ENAM: variants seen among roughly 807,000 people sequenced by gnomAD.
ENAM encodes amelogenesis imperfecta 2, hypocalcification (autosomal dominant).
Under a neutral mutation model 33.6 loss-of-function variants are expected in ENAM, and 21 were observed. The observed-to-expected ratio is 0.63, with a 90% CI of 0.44 to 0.90. The LOEUF (loss-of-function observed/expected upper bound fraction) is 0.90, where lower values mean the gene tolerates loss of function less well. ENAM is among the 40% of genes least tolerant of loss of function. The pLI, the probability that ENAM is intolerant of heterozygous loss-of-function variation, is 0.00. For missense variants in ENAM, 1,388 were observed against 1,366.9 expected (o/e 1.02, Z -0.24); for synonymous variants, 473 against 468.4 (o/e 1.01, Z -0.13).
chr4:70,639,743 G>A (rs1019878106), intron 8 of ENAM, among the ~76,000 whole-genome samples: 4 of 152,086 alleles, frequency 2.6e-5, no homozygotes, highest in African/African-American at 9.7e-5. Flanking sequence ...ATAAATGTTA[G>A]GTGAACGTGG....
At position 70,645,373 on chromosome 4, in the gene ENAM, A is replaced by G. The variant is rs1025272194; in HGVS notation, c.*518A>G. The G allele has an allele frequency of 1.1e-4, 18 of 158,612 alleles. No homozygotes were observed. The highest frequency in any genetic ancestry group is 2.2e-4 in the Non-Finnish European group (16 of 72,768). The allele number at this position is 158,612 out of a possible 1,614,324, so 9.8% of individuals were successfully genotyped here. ...CACTGCCACTCTCTTTACCTTTATC[A>G]TTTCTTTTTCTTAGCTTTCTTCCTT... On this transcript the variant is annotated 3_prime_UTR_variant, in exon 9 of 9. Coordinates refer to ENST00000396073, the MANE Select transcript of ENAM (RefSeq NM_031889.3).
rs1202167113 is a variant in ENAM at position 70,645,569 on chromosome 4, C to T, written c.*714C>T. On this transcript the variant is annotated 3_prime_UTR_variant, in exon 9 of 9. Transcript: ENST00000396073. ...CTCTTCCAACCTATCTGTTCTGTCT[C>T]CCAATGTACCACTTATCAACTAATC... 2.0e-5 allele frequency: 3 copies of T among 152,182 alleles called. No individual in the cohort carries two copies. Among genetic ancestry groups the T allele is most frequent in the African/African-American group, 7.2e-5 (3 of 41,426 alleles). 9.4% of individuals were successfully genotyped at this position (152,182 alleles called of 1,614,324 possible). A position where few individuals can be genotyped will look rare whatever the true frequency, so the allele number is the denominator to read the frequency against.
rs1353894301 is a variant in ENAM at position 70,643,802 on chromosome 4, T to G, written c.2376T>G (p.His792Gln). ...GAAATATCTGGGATCAGGCAACACA[T>G]TTACAAAAAGCCCCAGCTAGGCCAC... ...FNRNIWDQAT[H>Q]LQKAPARPPD... Residue 792 changes from histidine (H) to glutamine (Q), a missense_variant, in exon 9 of 9, where the codon CAT (histidine) becomes CAG (glutamine). Physicochemically the swap from His to Gln is conservative, Grantham distance 24. Coordinates refer to ENST00000396073, the MANE Select transcript of ENAM (RefSeq NM_031889.3). 6.2e-7 allele frequency: 1 copy of G among 1,613,908 alleles called. No individual in the cohort carries two copies. The highest frequency in any genetic ancestry group is 1.3e-5 in the African/African-American group (1 of 74,854).
chr4:70,639,750 G>A (rs998563034), intron 8 of ENAM, among the ~76,000 whole-genome samples: 3 of 152,084 alleles, frequency 2.0e-5, no homozygotes, highest in African/African-American at 7.2e-5. Context: ...TTAGGTGAAC[G>A]TGGTGTCACG....
chr4:70,632,714 T>C (rs1359219447), intron 5 of ENAM, 22 bp downstream of exon 5: 2 of 1,521,878 alleles, frequency 1.3e-6, no homozygotes, highest in Admixed American at 3.3e-5. Context: ...TTTATGTTAT[T>C]TCTGATGATT....
In ENAM at chr4:70,644,408, G is replaced by C; in HGVS notation, c.2982G>C (p.Gly994=). 6.2e-7 allele frequency: 1 copy of C among 1,614,136 alleles called. No individual in the cohort carries two copies. ...TCAAAAATGATCTTGGAGGAGATGG[G>C]AACAACATTCTGGAACAAGTTTTTG... is the stretch of plus-strand genomic sequence containing the variant. ...PCLKNDLGGD[G]NNILEQVFED... is the part of the protein sequence containing the mutation. The change falls in exon 9 of 9, where the codon GGG becomes GGC. Residue 994 remains glycine (G), a synonymous_variant. Transcript: ENST00000396073.
Position 70,643,871 on chromosome 4 carries a change from T to G in ENAM, c.2445T>G (p.Ala815=), listed in dbSNP as rs770492675. The G allele has an allele frequency of 6.2e-7, 1 of 1,614,196 alleles. No individual in the cohort carries two copies. The highest frequency in any genetic ancestry group is 1.1e-5 in the South Asian group (1 of 91,084). ...AGCCCTATTACAGTAACACCCCAGCTGGGCTTCAGAAAAATCCAATATGGC... is the reference window on the plus strand; with the variant it reads ...AGCCCTATTACAGTAACACCCCAGCGGGGCTTCAGAAAAATCCAATATGGC... The part of the protein sequence containing the change: ...GNQPYYSNTP[A]GLQKNPIWHE... The change falls in exon 9 of 9, where the codon GCT becomes GCG. Residue 815 remains alanine, a synonymous_variant. Coordinates refer to ENST00000396073, the MANE Select transcript of ENAM (RefSeq NM_031889.3).
chr4:70,637,761 C>A, intron 7 of ENAM, 29 bp from the exon 8 acceptor site: 1 of 1,600,112 alleles, frequency 6.2e-7, no homozygotes, highest in Non-Finnish European at 8.6e-7. Context: ...TGGTTTTCTC[C>A]TGTGTTCACT....
chr4:70,629,247 C>T (rs1489696072), intron 1 of ENAM, among the ~76,000 whole-genome samples, 194 bp from the exon 2 acceptor site: 1 of 152,064 alleles, frequency 6.6e-6, no homozygotes, highest in Non-Finnish European at 1.5e-5. Context: ...AGAAGTATCT[C>T]AAAATACAGT....
At chr4:70,640,357 A>G (rs970709786) in intron 8 of ENAM, among the ~76,000 whole-genome samples, 1 of 152,190 alleles carries the variant, frequency 6.6e-6, no homozygotes, top group African/African-American at 2.4e-5. Context: ...AGTCAAACTG[A>G]GCTCTGAAGG....
chr4:70,645,175 G>T lies in ENAM; in HGVS notation c.*320G>T. On this transcript the variant is annotated 3_prime_UTR_variant, in exon 9 of 9. Transcript: ENST00000396073. ...CTTGATGACTTCTTTTGCTCTCAAA[G>T]TTCCATACTTGCAAAATTGGTTTTT... 2.0e-6 allele frequency: 1 copy of T among 506,448 alleles called. No individual in the cohort carries two copies. 31.4% of individuals were successfully genotyped at this position (506,448 alleles called of 1,614,324 possible).
rs868635621 is a variant in ENAM at position 70,644,679 on chromosome 4, G to A, written c.3253G>A (p.Asp1085Asn). Residue 1085 changes from aspartate to asparagine, a missense_variant, in exon 9 of 9, where the codon GAT (aspartate) becomes AAT (asparagine). By Grantham distance (23) the Asp-to-Asn change is conservative. Transcript: ENST00000396073. ...TGGAAGGCAAAGCCCATTTGATGGG[G>A]ATTCAATTACGCCTACTGAAAATCC... ...SDGRQSPFDG[D>N]SITPTENPNT... is the part of the protein sequence containing the mutation. 1 of 1,614,142 alleles carries A rather than the reference G, an allele frequency of 6.2e-7. No individual in the cohort carries two copies. The highest frequency in any genetic ancestry group is 8.5e-7 in the Non-Finnish European group (1 of 1,180,014).
intron 8 of ENAM, among the ~76,000 whole-genome samples, chr4:70,638,794 C>CTTTTT (rs202207649): frequency 7.3e-6 from 1 of 137,252 alleles, no homozygotes; most frequent in African/African-American, 2.7e-5. Context: ...TTCTTTCTTT[C>CTTTTT]TTTTTTTTTT....
rs905159533 is a variant in ENAM, at chr4:70,629,580, A to G, written c.54+26A>G. 5.8e-6 allele frequency: 9 copies of G among 1,550,372 alleles called. No homozygotes were observed. In the Middle Eastern group the frequency reaches 5.0e-4, roughly 87 times the overall value. ...GTGAGTACTTTCATTTATTTTTGCC[A>G]ATACATACAGGTTCTCAAACTAGAT... On this transcript the variant is annotated intron_variant, in intron 2 of 8. Transcript: ENST00000396073.
rs71599965 is a variant in ENAM, at chr4:70,644,746, G to A, written c.3320G>A (p.Ser1107Asn). The change falls in exon 9 of 9, where the codon AGT becomes AAT. Residue 1107 changes from serine to asparagine, a missense_variant. By Grantham distance (46) the Ser-to-Asn change is conservative. Transcript: ENST00000396073. Reference protein sequence around the residue: ...VELATEEQFKSINVDPLDADE... With the variant: ...VELATEEQFKNINVDPLDADE... Reference sequence around the variant, plus strand: ...TTAGCTACTGAGGAACAATTTAAGAGTATAAATGTAGACCCACTTGATGCA... The same window carrying A: ...TTAGCTACTGAGGAACAATTTAAGAATATAAATGTAGACCCACTTGATGCA... 17,196 of 1,613,952 alleles carry A rather than the reference G, an allele frequency of 0.011. 126 individuals carry two copies. Among genetic ancestry groups the A allele is most frequent in the Non-Finnish European group, 0.013 (15,167 of 1,179,858 alleles).
chr4:70,643,270 T>G lies in ENAM; in HGVS notation c.1844T>G (p.Leu615Arg), dbSNP rs755504508. 2 of 1,614,046 alleles carry G rather than the reference T, an allele frequency of 1.2e-6. No individual in the cohort carries two copies. Among genetic ancestry groups the G allele is most frequent in the Admixed American group, 1.7e-5 (1 of 60,026 alleles). The change falls in exon 9 of 9, where the codon CTT becomes CGT. Residue 615 changes from leucine (L) to arginine (R), a missense_variant. Physicochemically the swap from Leu to Arg is moderately radical, Grantham distance 102. Transcript: ENST00000396073. The part of the protein sequence containing the change: ...PYDPRENSPY[L>R]RGNTWDERDD... The stretch of plus-strand genomic sequence containing the variant: ...GATCCCAGGGAAAACTCACCATACC[T>G]TAGAGGCAATACATGGGATGAGAGA...
intron 8 of ENAM, among the ~76,000 whole-genome samples, chr4:70,641,370 A>AT (rs201367639): frequency 3.6e-4 from 52 of 146,416 alleles, no homozygotes; most frequent in East Asian, 2.4e-3. Context: ...TCTTTCTTTT[A>AT]TTTTTTTTTA....
chr4:70,641,561 T>G (rs1048033781), intron 8 of ENAM, among the ~76,000 whole-genome samples: 1 of 151,898 alleles, frequency 6.6e-6, no homozygotes, highest in Non-Finnish European at 1.5e-5. Context: ...AGCTAATTTT[T>G]GTATTTTTAG....
chr4:70,634,122 C>T (rs185636287), intron 5 of ENAM, among the ~76,000 whole-genome samples, 186 bp from the exon 6 acceptor site: 6 of 152,226 alleles, frequency 3.9e-5, no homozygotes, highest in South Asian at 2.1e-4. Flanking sequence ...TTCTAGAAGA[C>T]GGAAGTTCAT....
Sources: gnomAD v4.1 joint callset for allele counts (sites outside exome capture counted in the v4.1 genomes callset) on GRCh38, gnomAD v4.1.1 for gene constraint, MANE v1.5 for transcripts, NCBI Gene and HGNC (gene_info 2026-07-23, HGNC 2026-07-21) for gene names.